The following SMG6 variants were observed in gnomAD, a reference collection of about 807,000 sequenced individuals.
SMG6 encodes SMG6 nonsense mediated mRNA decay factor.
A neutral mutation model predicts 142.2 loss-of-function variants in SMG6; 66 were observed. The observed-to-expected ratio is 0.46, with a 90% confidence interval of 0.38 to 0.57. SMG6 has a LOEUF of 0.57. SMG6 is among the 20% of genes least tolerant of loss of function. The probability of loss-of-function intolerance (pLI) is 0.00; values close to 1 mark genes in which losing one functional copy is unlikely to be tolerated. For missense variants in SMG6, 1,793 were observed against 1,832.0 expected (o/e 0.98, Z 0.39); for synonymous variants, 779 against 702.4 (o/e 1.11, Z -1.72).
At chr17:2,242,146 T>C (rs1293100114) in intron 9 of SMG6, among the ~76,000 whole-genome samples, 2 of 150,526 alleles carry the variant, frequency 1.3e-5, no homozygotes, top group South Asian at 2.1e-4. Context: ...AGAACAAACA[T>C]AGGCAAAGGA....
intron 10 of SMG6, among the ~76,000 whole-genome samples, chr17:2,228,253 C>G (rs2151785699): frequency 6.6e-6 from 1 of 151,790 alleles, no homozygotes; most frequent in African/African-American, 2.4e-5. Flanking sequence ...GAGACGGAGC[C>G]TCACTCTGTT....
intron 12 of SMG6, among the ~76,000 whole-genome samples, chr17:2,175,802 G>A (rs1434650722): frequency 6.6e-6 from 1 of 152,192 alleles, no homozygotes; most frequent in African/African-American, 2.4e-5. Context: ...TACACAAAAT[G>A]CTTCAATGAG....
Position 2,300,288 on chromosome 17 carries a change from A to G in SMG6, c.465T>C (p.Val155=), listed in dbSNP as rs145774997. ...IYQPGRRLQT[V]SKESASRVEE... ...CCACCCGACTGGCGGATTCTTTGCT[A>G]ACAGTCTGCAAACGTCGTCCAGGCT... Residue 155 remains valine (V), a synonymous_variant, in exon 2 of 19, where the codon GTT becomes GTC. Transcript: ENST00000263073. The G allele has an allele frequency of 1.6e-4, 256 of 1,613,960 alleles. No individual in the cohort carries two copies. Among genetic ancestry groups the G allele is most frequent in the Non-Finnish European group, 1.8e-4 (214 of 1,180,044 alleles).
chr17:2,174,415 G>C (rs1286801251), intron 12 of SMG6, among the ~76,000 whole-genome samples: 1 of 152,252 alleles, frequency 6.6e-6, no homozygotes, highest in African/African-American at 2.4e-5. Flanking sequence ...GGGGGAGAAA[G>C]TGGAGCAGAG....
chr17:2,244,395 G>T (rs1308377001), intron 9 of SMG6, among the ~76,000 whole-genome samples: 1 of 152,168 alleles, frequency 6.6e-6, no homozygotes, highest in Non-Finnish European at 1.5e-5. Context: ...GAGGGACTGG[G>T]GTGGGGGCTG....
intron 13 of SMG6, among the ~76,000 whole-genome samples, chr17:2,138,153 A>G (rs1159571485): frequency 2.8e-5 from 4 of 142,746 alleles, no homozygotes; most frequent in African/African-American, 7.8e-5. Context: ...AGGAGGCAGG[A>G]AAAAAAAAAC....
In SMG6 at chr17:2,282,808, G is replaced by C. The variant is rs1432305996; in HGVS notation, c.2500C>G (p.Gln834Glu). ...GTAGACTTCTTTCCTTTCCGCCACT[G>C]GTCAGGGCTCAGGTCAAATTCCTCA... ...QHEEFDLSPDQWRKGKKSTFR... is the reference protein window; with the variant it reads ...QHEEFDLSPDEWRKGKKSTFR... Residue 834 changes from glutamine (Q) to glutamate (E), a missense_variant, in exon 8 of 19, where the codon CAG becomes GAG. Gln to Glu is a conservative substitution (Grantham distance 29). Transcript: ENST00000263073. 6.2e-7 allele frequency: 1 copy of C among 1,614,142 alleles called. No homozygotes were observed. Among genetic ancestry groups the C allele is most frequent in the Non-Finnish European group, 8.5e-7 (1 of 1,180,028 alleles).
At chr17:2,102,460 G>T (rs577297554) in intron 13 of SMG6, among the ~76,000 whole-genome samples, 81 of 150,442 alleles carry the variant, frequency 5.4e-4, no homozygotes, top group African/African-American at 2.0e-3. Context: ...AGGCTCAAGT[G>T]ATCTTCCCGC....
chr17:2,117,901 C>T (rs558973022), intron 13 of SMG6: 11 of 152,222 alleles, frequency 7.2e-5, no homozygotes, highest in Admixed American at 5.2e-4. Context: ...AACTTGATAT[C>T]CATATGGGGG....
At chr17:2,144,362 T>C (rs1281037947) in intron 13 of SMG6, among the ~76,000 whole-genome samples, 1 of 151,928 alleles carries the variant, frequency 6.6e-6, no homozygotes, top group Non-Finnish European at 1.5e-5. Flanking sequence ...CCATGGCGCC[T>C]GGCCATTAAT....
At chr17:2,145,365 C>T (rs924450083) in intron 13 of SMG6, among the ~76,000 whole-genome samples, 1 of 151,794 alleles carries the variant, frequency 6.6e-6, no homozygotes, top group Non-Finnish European at 1.5e-5. Flanking sequence ...AATCCACCTG[C>T]CTCAGCCTCC....
rs2067728744 is a variant in SMG6, at chr17:2,060,057, C to G, written c.*1435G>C. ...CCCCAAACTACTGGCCTTGGCTCCC[C>G]TACACGGTACCCCATCGCTTCTGGC... is the stretch of plus-strand genomic sequence containing the variant. On this transcript the variant is annotated 3_prime_UTR_variant, in exon 19 of 19. Coordinates refer to ENST00000263073, the MANE Select transcript of SMG6 (RefSeq NM_017575.5). The G allele has an allele frequency of 6.5e-6, 1 of 152,806 alleles. No homozygotes were observed. Among genetic ancestry groups the G allele is most frequent in the Non-Finnish European group, 1.5e-5 (1 of 68,510 alleles). The allele number at this position is 152,806 out of a possible 1,614,324, so 9.5% of individuals were successfully genotyped here. A position where few individuals can be genotyped will look rare whatever the true frequency, so the allele number is the denominator to read the frequency against.
In SMG6 at chr17:2,293,071, T is replaced by C; in HGVS notation, c.2152-94A>G. ...TGGGGTGAAAATGACAATGTAGCAC[T>C]CGTAAGGCACTAGCGGTCCTCAACA... On this transcript the variant is annotated intron_variant, in intron 4 of 18. Coordinates refer to ENST00000263073, the MANE Select transcript of SMG6 (RefSeq NM_017575.5). 6.8e-6 allele frequency: 6 copies of C among 884,314 alleles called. No homozygotes were observed. In the South Asian group the frequency reaches 7.9e-5, roughly 12 times the overall value. 54.8% of individuals were successfully genotyped at this position (884,314 alleles called of 1,614,324 possible).
Position 2,059,942 on chromosome 17 carries a change from C to T in SMG6, c.*1550G>A, listed in dbSNP as rs2067724618. On this transcript the variant is annotated 3_prime_UTR_variant, in exon 19 of 19. Coordinates refer to ENST00000263073, the MANE Select transcript of SMG6 (RefSeq NM_017575.5). ...TCCCTCCCGACCACCCAGTCATCGG[C>T]CTTCCAGCTGGGGAGAGAATCTTAA... is the stretch of plus-strand genomic sequence containing the variant. 1 of 152,908 alleles carries T rather than the reference C, an allele frequency of 6.5e-6. No individual in the cohort carries two copies. Among genetic ancestry groups the T allele is most frequent in the African/African-American group, 2.4e-5 (1 of 41,450 alleles). 9.5% of individuals were successfully genotyped at this position (152,908 alleles called of 1,614,324 possible).
At chr17:2,254,524 G>A (rs1031659671) in intron 8 of SMG6, among the ~76,000 whole-genome samples, 1 of 152,168 alleles carries the variant, frequency 6.6e-6, no homozygotes, top group African/African-American at 2.4e-5. Context: ...TAGTAGAGAC[G>A]GGGTTTTGCC....
intron 13 of SMG6, among the ~76,000 whole-genome samples, chr17:2,151,921 G>A (rs182495984): frequency 7.6e-4 from 115 of 152,270 alleles, no homozygotes; most frequent in Admixed American, 2.6e-3. Context: ...GCCGATGGTT[G>A]TTTGGAAAAG....
intron 6 of SMG6, among the ~76,000 whole-genome samples, chr17:2,287,992 C>T (rs1013727962): frequency 3.3e-5 from 5 of 152,140 alleles, no homozygotes; most frequent in Admixed American, 2.6e-4. Flanking sequence ...TATGAATGTA[C>T]GTAATGCTAC....
chr17:2,188,210 C>T (rs1042245045), intron 11 of SMG6, among the ~76,000 whole-genome samples, 189 bp downstream of exon 11: 11 of 151,920 alleles, frequency 7.2e-5, no homozygotes, highest in African/African-American at 2.7e-4. Flanking sequence ...GAGAAGAGGG[C>T]CTTAGAGGCA....
chr17:2,150,040 G>A (rs958963664), intron 13 of SMG6, among the ~76,000 whole-genome samples: 4 of 152,194 alleles, frequency 2.6e-5, no homozygotes, highest in Non-Finnish European at 5.9e-5. Context: ...CCCAGCCCCC[G>A]GGGTTGTGGA....
Sources: gnomAD v4.1 joint callset for allele counts (sites outside exome capture counted in the v4.1 genomes callset) on GRCh38, gnomAD v4.1.1 for gene constraint, MANE v1.5 for transcripts, NCBI Gene and HGNC (gene_info 2026-07-23, HGNC 2026-07-21) for gene names.